Variants in EYA3 observed in about 807,000 individuals in gnomAD.
EYA3 encodes the protein EYA transcriptional coactivator and phosphatase 3.
In EYA3, 39 loss-of-function variants were observed where a neutral mutation model predicts 80.0. That is an observed-to-expected ratio of 0.49 (90% CI 0.38 to 0.64). The LOEUF is 0.64. Among genes scored for constraint, EYA3 ranks in the 30% least tolerant of loss-of-function variants. The probability of loss-of-function intolerance (pLI) is 0.00; values close to 1 mark genes in which losing one functional copy is unlikely to be tolerated. For synonymous variants in EYA3, 206 were observed against 232.8 expected (o/e 0.88, Z 1.05); for missense variants, 523 against 676.1 (o/e 0.77, Z 2.51).
intron 1 of EYA3, among the ~76,000 whole-genome samples, chr1:28,068,653 C>T (rs900416894): frequency 6.6e-6 from 1 of 151,932 alleles, no homozygotes; most frequent in Non-Finnish European, 1.5e-5. Context: ...ACTCAGAGAG[C>T]TCCCTGACAT....
intron 7 of EYA3, among the ~76,000 whole-genome samples, chr1:28,024,037 G>A (rs560163539): frequency 3.0e-4 from 45 of 152,268 alleles, no homozygotes; most frequent in African/African-American, 9.1e-4. Context: ...TGAGGAGTTT[G>A]AGACCAGCCT....
chr1:28,037,405 A>G (rs1183004108), intron 5 of EYA3, among the ~76,000 whole-genome samples: 1 of 152,240 alleles, frequency 6.6e-6, no homozygotes, highest in African/African-American at 2.4e-5. Flanking sequence ...AAAAAACTGA[A>G]TTTAAAAATA....
intron 12 of EYA3, among the ~76,000 whole-genome samples, chr1:27,997,615 A>G (rs569274976): frequency 1.1e-4 from 17 of 152,226 alleles, no homozygotes; most frequent in Non-Finnish European, 1.9e-4. Context: ...CTCCTATCTC[A>G]ATATTTCATT....
At chr1:28,031,478 GGTAA>G (rs1167614588) in intron 6 of EYA3, among the ~76,000 whole-genome samples, 1 of 152,200 alleles carries the variant, frequency 6.6e-6, no homozygotes, top group Non-Finnish European at 1.5e-5. Context: ...GCTAACAATG[GGTAA>G]GTAAGTCTGT....
chr1:28,026,529 G>A (rs1216977927), intron 7 of EYA3, among the ~76,000 whole-genome samples: 1 of 151,986 alleles, frequency 6.6e-6, no homozygotes, highest in African/African-American at 2.4e-5. Flanking sequence ...GAGGTGAGAG[G>A]ATCACTTTAG....
chr1:28,035,513 C>T (rs1366854969), intron 6 of EYA3, 31 bp downstream of exon 6: 1 of 1,600,690 alleles, frequency 6.2e-7, no homozygotes, highest in East Asian at 2.2e-5. Flanking sequence ...AATCAACATT[C>T]TTAGAAATTG....
rs1312772813 is a variant in EYA3 at position 28,027,806 on chromosome 1, T to A, written c.482A>T (p.Tyr161Phe). The change falls in exon 7 of 18, where the codon TAT (tyrosine) becomes TTT (phenylalanine). Residue 161 changes from tyrosine (Y) to phenylalanine (F), a missense_variant. Around this residue, in one of 2 missense-constraint regions of EYA3, gnomAD observed 304 missense variants for 343.3 expected, o/e 0.89. Coordinates refer to ENST00000373871, the MANE Select transcript of EYA3 (RefSeq NM_001990.4). ...CTATTTACCTTGAATGGGATAAGAATAATGTGCTGGGCTTGGCTGGCTTGT... is the reference window on the plus strand; with the variant it reads ...CTATTTACCTTGAATGGGATAAGAAAAATGTGCTGGGCTTGGCTGGCTTGT... Reference protein sequence around the residue: ...LTTSQPSPAHYSYPIQASSTN... With the variant: ...LTTSQPSPAHFSYPIQASSTN... 3 of 1,614,034 alleles carry A rather than the reference T, an allele frequency of 1.9e-6. No homozygotes were observed. The highest frequency in any genetic ancestry group is 1.7e-5 in the Admixed American group (1 of 60,006).
intron 2 of EYA3, among the ~76,000 whole-genome samples, chr1:28,052,303 C>A (rs1181955387): frequency 6.6e-6 from 1 of 152,114 alleles, no homozygotes; most frequent in African/African-American, 2.4e-5. Flanking sequence ...TGCGCCCAGC[C>A]CCATTTTTCA....
chr1:28,038,303 T>C (rs539123255), intron 5 of EYA3, among the ~76,000 whole-genome samples: 1 of 151,976 alleles, frequency 6.6e-6, no homozygotes, highest in African/African-American at 2.4e-5. Flanking sequence ...CTGGGCGTGG[T>C]GGCATGCCTG....
At chr1:28,000,912 A>T (rs1159960557) in intron 11 of EYA3, among the ~76,000 whole-genome samples, 1 of 152,158 alleles carries the variant, frequency 6.6e-6, no homozygotes, top group Non-Finnish European at 1.5e-5. Context: ...AAGTAAACAC[A>T]GAAATAGCTG....
At chr1:28,032,599 C>A (rs1341894078) in intron 6 of EYA3, among the ~76,000 whole-genome samples, 1 of 152,158 alleles carries the variant, frequency 6.6e-6, no homozygotes, top group Non-Finnish European at 1.5e-5. Context: ...TATTTTATAA[C>A]TCCCACTAAC....
intron 5 of EYA3, 65 bp downstream of exon 5, chr1:28,038,774 T>C (rs906116131): frequency 1.1e-6 from 1 of 878,458 alleles, no homozygotes; most frequent in East Asian, 2.6e-5. Context: ...GGAAAAATAA[T>C]ATTAAATTTT....
intron 16 of EYA3, among the ~76,000 whole-genome samples, chr1:27,984,818 T>G (rs1639542851): frequency 6.6e-6 from 1 of 152,216 alleles, no homozygotes; most frequent in Non-Finnish European, 1.5e-5. Context: ...TTCATTTTTC[T>G]GTTCCTCTCC....
chr1:28,059,806 C>T (rs960415554), intron 1 of EYA3, among the ~76,000 whole-genome samples: 18 of 151,074 alleles, frequency 1.2e-4, no homozygotes, highest in Non-Finnish European at 2.1e-4. Flanking sequence ...CTGCAACCTC[C>T]GTCTCCCGGG....
At chr1:28,030,254 T>C (rs976002121) in intron 6 of EYA3, among the ~76,000 whole-genome samples, 1 of 152,158 alleles carries the variant, frequency 6.6e-6, no homozygotes, top group Non-Finnish European at 1.5e-5. Flanking sequence ...TAAAGAGAAA[T>C]ATGAAAGTCT....
chr1:28,045,589 C>T (rs185863054), intron 3 of EYA3, among the ~76,000 whole-genome samples: 33 of 152,282 alleles, frequency 2.2e-4, no homozygotes, highest in South Asian at 4.1e-4. Flanking sequence ...CCTACATACT[C>T]AACTGAGCAT....
chr1:28,078,073 A>G (rs768083444), intron 1 of EYA3, among the ~76,000 whole-genome samples: 27 of 152,238 alleles, frequency 1.8e-4, no homozygotes, highest in Non-Finnish European at 3.8e-4. Flanking sequence ...ACAGGATAAT[A>G]TAAGTGTTTG....
chr1:28,079,143 C>G (rs1645331285), intron 1 of EYA3, among the ~76,000 whole-genome samples: 1 of 152,152 alleles, frequency 6.6e-6, no homozygotes, highest in South Asian at 2.1e-4. Flanking sequence ...TAGTGCCTGG[C>G]ACATAGTAAG....
intron 13 of EYA3, among the ~76,000 whole-genome samples, chr1:27,995,121 T>C (rs1300572645): frequency 6.6e-6 from 1 of 151,860 alleles, no homozygotes; most frequent in African/African-American, 2.4e-5. Flanking sequence ...ATCCTTTAAG[T>C]AGGCTGGGTG....
Sources: allele counts gnomAD v4.1 joint callset (sites outside exome capture counted in the v4.1 genomes callset), GRCh38; gene constraint gnomAD v4.1.1; regional missense constraint gnomAD v4.1.1; transcripts MANE v1.5; gene names NCBI Gene and HGNC (gene_info 2026-07-23, HGNC 2026-07-21).